ST18: variants seen among roughly 807,000 people sequenced by gnomAD.
The protein encoded by ST18 is ST18 C2H2C-type zinc finger transcription factor.
Under a neutral mutation model 110.0 loss-of-function variants are expected in ST18, and 50 were observed. The observed-to-expected ratio is 0.45, with a 90% CI of 0.36 to 0.58. The LOEUF (loss-of-function observed/expected upper bound fraction) is 0.58, where lower values mean the gene tolerates loss of function less well. Among genes scored for constraint, ST18 ranks in the 20% least tolerant of loss-of-function variants. ST18 has a pLI of 0.00. For synonymous variants in ST18, 461 were observed against 452.4 expected (o/e 1.02, Z -0.24); for missense variants, 1,306 against 1,280.1 (o/e 1.02, Z -0.31).
chr8:52,122,759 T>A (rs115020957), intron 23 of ST18, among the ~76,000 whole-genome samples: 230 of 152,272 alleles, frequency 1.5e-3, no homozygotes, highest in African/African-American at 5.3e-3. Context: ...AGTTCTGGGA[T>A]TAAGGCATGA....
chr8:52,347,686 A>G (rs1170273893), intron 2 of ST18, among the ~76,000 whole-genome samples: 1 of 152,230 alleles, frequency 6.6e-6, no homozygotes, highest in Non-Finnish European at 1.5e-5. Context: ...GCACTATTCT[A>G]GGAAGTTTTA....
intron 8 of ST18, among the ~76,000 whole-genome samples, chr8:52,189,112 G>T (rs1335325833): frequency 6.6e-6 from 1 of 152,118 alleles, no homozygotes; most frequent in African/African-American, 2.4e-5. Context: ...ATGAATACAT[G>T]CTTCCATCTC....
At chr8:52,161,052 A>G (rs2061334863) in intron 14 of ST18, among the ~76,000 whole-genome samples, 2 of 152,230 alleles carry the variant, frequency 1.3e-5, no homozygotes, top group South Asian at 4.1e-4. Context: ...ACATTTTTCA[A>G]TATAGTAATC....
In ST18 at chr8:52,158,901, G is replaced by A. The variant is rs2278152; in HGVS notation, c.1803C>T (p.Ala601=). 0.12 allele frequency: 185,628 copies of A among 1,613,862 alleles called. 11,711 individuals carry two copies. Among genetic ancestry groups the A allele is most frequent in the Admixed American group, 0.15 (8,979 of 60,008 alleles). Residue 601 remains alanine (A), a synonymous_variant, in exon 15 of 26, where the codon GCC becomes GCT. Coordinates refer to ENST00000689386, the MANE Select transcript of ST18 (RefSeq NM_001352837.2). ...ILSNKPQSLH[A]KGAEIEVDEN... is the part of the protein sequence containing the mutation. ...CCGGGCTCTTGGACTGGCCTACCTTGGCATGCAGACTCTGTGGCTTGTTGG... is the reference window on the plus strand; with the variant it reads ...CCGGGCTCTTGGACTGGCCTACCTTAGCATGCAGACTCTGTGGCTTGTTGG...
rs952517006 is a variant in ST18 at position 52,273,791 on chromosome 8, G to T, written c.-464-43714C>A. On this transcript the variant is annotated intron_variant, in intron 2 of 25. Coordinates refer to ENST00000689386, the MANE Select transcript of ST18 (RefSeq NM_001352837.2). ...TTTCAAGCTCCAGTGTATGGACAATGCTTAATCAGTGTGTATATCAGAAAA... is the reference window on the plus strand; with the variant it reads ...TTTCAAGCTCCAGTGTATGGACAATTCTTAATCAGTGTGTATATCAGAAAA... Among the ~76,000 whole-genome samples the T allele has an allele frequency of 3.3e-5, 5 of 152,174 alleles. 1 individual carries two copies. Among genetic ancestry groups the T allele is most frequent in the Admixed American group, 2.6e-4 (4 of 15,266 alleles).
chr8:52,233,448 T>C (rs144886512), intron 2 of ST18, among the ~76,000 whole-genome samples: 32 of 152,136 alleles, frequency 2.1e-4, no homozygotes, highest in Middle Eastern at 6.8e-3. Context: ...GTAGTTTGAG[T>C]GAAGAAGAAT....
intron 9 of ST18, among the ~76,000 whole-genome samples, chr8:52,177,265 C>T (rs1397418678): frequency 6.6e-6 from 1 of 152,232 alleles, no homozygotes; most frequent in Non-Finnish European, 1.5e-5. Context: ...CCCTTAACGG[C>T]AACCTGTATC....
At chr8:52,347,503 A>C (rs1246658652) in intron 2 of ST18, among the ~76,000 whole-genome samples, 1 of 152,232 alleles carries the variant, frequency 6.6e-6, no homozygotes, top group Admixed American at 6.5e-5. Context: ...AGAACTAAAA[A>C]TATTTATATA....
chr8:52,286,489 A>G (rs1055154947), intron 2 of ST18, among the ~76,000 whole-genome samples: 1 of 152,104 alleles, frequency 6.6e-6, no homozygotes, highest in African/African-American at 2.4e-5. Context: ...GCTGTCTGTA[A>G]TCTTCACATA....
At chr8:52,329,434 C>T (rs1332560046) in intron 2 of ST18, among the ~76,000 whole-genome samples, 1 of 152,118 alleles carries the variant, frequency 6.6e-6, no homozygotes, top group African/African-American at 2.4e-5. Flanking sequence ...GAACACGTTC[C>T]TTGTTTGTGA....
At chr8:52,131,894 C>T (rs549952271) in intron 22 of ST18, 64 bp downstream of exon 22, 153 of 1,547,302 alleles carry the variant, frequency 9.9e-5, no homozygotes, top group Non-Finnish European at 2.8e-5. Context: ...AACCCTCTCC[C>T]CAAGGCAGCC....
intron 3 of ST18, chr8:52,229,710 G>A (rs2090730531): frequency 6.6e-6 from 1 of 152,086 alleles, no homozygotes; most frequent in Admixed American, 6.5e-5. Context: ...GAGATTTCAT[G>A]GATATTTTGG....
intron 2 of ST18, among the ~76,000 whole-genome samples, chr8:52,390,283 T>C (rs986969800): frequency 1.3e-5 from 2 of 152,148 alleles, no homozygotes; most frequent in African/African-American, 4.8e-5. Context: ...GACTTTGTGC[T>C]GATCTAAAGT....
At chr8:52,343,193 G>A (rs1815970755) in intron 2 of ST18, among the ~76,000 whole-genome samples, 1 of 152,116 alleles carries the variant, frequency 6.6e-6, no homozygotes, top group Non-Finnish European at 1.5e-5. Flanking sequence ...CAGAGGTGGG[G>A]GTGAGGAGGG....
chr8:52,373,889 G>A (rs1831169742), intron 2 of ST18, among the ~76,000 whole-genome samples: 1 of 152,220 alleles, frequency 6.6e-6, no homozygotes, highest in Middle Eastern at 3.4e-3. Context: ...ATAAATTCAG[G>A]AGCACGCATC....
At chr8:52,264,091 G>T (rs984687454) in intron 2 of ST18, among the ~76,000 whole-genome samples, 3 of 152,084 alleles carry the variant, frequency 2.0e-5, no homozygotes, top group Non-Finnish European at 4.4e-5. Flanking sequence ...GAGCCACCAC[G>T]CCTGGCAATA....
At chr8:52,288,402 T>G (rs1291400456) in intron 2 of ST18, among the ~76,000 whole-genome samples, 2 of 152,150 alleles carry the variant, frequency 1.3e-5, no homozygotes, top group East Asian at 3.9e-4. Flanking sequence ...CAGTATTGCC[T>G]ATTAAGAGTA....
chr8:52,290,249 C>T (rs2095535098), intron 2 of ST18, among the ~76,000 whole-genome samples: 1 of 152,148 alleles, frequency 6.6e-6, no homozygotes, highest in Non-Finnish European at 1.5e-5. Context: ...GACCTTATCT[C>T]TCCTTGATAA....
At chr8:52,372,645 C>T (rs1334881599) in intron 2 of ST18, among the ~76,000 whole-genome samples, 1 of 152,164 alleles carries the variant, frequency 6.6e-6, no homozygotes, top group Non-Finnish European at 1.5e-5. Context: ...TGTTTAGATA[C>T]AAATAGTTAC....
Sources: gnomAD v4.1 joint callset for allele counts (sites outside exome capture counted in the v4.1 genomes callset) on GRCh38, gnomAD v4.1.1 for gene constraint, MANE v1.5 for transcripts, NCBI Gene and HGNC (gene_info 2026-07-23, HGNC 2026-07-21) for gene names.